The following TRABD2A variants were observed in gnomAD, a reference collection of about 807,000 sequenced individuals.
TRABD2A encodes the protein TraB domain containing 2A.
TRABD2A carries 43 observed loss-of-function variants against 45.6 expected under a neutral mutation model. The ratio of observed to expected loss-of-function variants is 0.94; its 90% CI spans 0.74 to 1.22. The LOEUF (loss-of-function observed/expected upper bound fraction) is 1.22. TRABD2A is among the 50% of genes most tolerant of loss of function. The pLI is 0.00. For synonymous variants in TRABD2A, 269 were observed against 265.0 expected (o/e 1.02, Z -0.15); for missense variants, 642 against 652.4 (o/e 0.98, Z 0.17).
intron 5 of TRABD2A, among the ~76,000 whole-genome samples, chr2:84,825,033 C>G (rs1681111103): frequency 6.6e-6 from 1 of 152,104 alleles, no homozygotes. Context: ...GAACTTTTGT[C>G]AAGGGTTTGG....
intron 2 of TRABD2A, 21 bp downstream of exon 2, chr2:84,870,204 T>C: frequency 6.3e-7 from 1 of 1,581,964 alleles, no homozygotes. Flanking sequence ...CACTAAGTCT[T>C]TTATGCAAAG....
intron 1 of TRABD2A, among the ~76,000 whole-genome samples, chr2:84,876,577 G>A (rs1209783873): frequency 1.3e-5 from 2 of 152,242 alleles, no homozygotes; most frequent in Non-Finnish European, 2.9e-5. Flanking sequence ...TTTTAGTGGT[G>A]TGGTGGGAGC....
At chr2:84,824,264 C>G (rs977967617) in intron 5 of TRABD2A, 60 bp from the exon 6 acceptor site, 12 of 1,595,068 alleles carry the variant, frequency 7.5e-6, no homozygotes, top group East Asian at 2.2e-5. Context: ...GGCGCCCTCC[C>G]CAGCTCTCTT....
intron 3 of TRABD2A, among the ~76,000 whole-genome samples, chr2:84,839,828 T>C (rs77780619): frequency 0.013 from 1,986 of 152,378 alleles, 41 homozygotes; most frequent in African/African-American, 0.045. Flanking sequence ...CTTTCCCCAA[T>C]GTTCTTTGCC....
intron 4 of TRABD2A, among the ~76,000 whole-genome samples, chr2:84,838,658 G>A (rs979065465): frequency 7.9e-5 from 12 of 152,152 alleles, no homozygotes; most frequent in Non-Finnish European, 1.0e-4. Flanking sequence ...GAGTCACTCC[G>A]GGGGAGAGAA....
chr2:84,821,768 T>G lies in TRABD2A; in HGVS notation c.*149A>C. 1 of 800,042 alleles carries G rather than the reference T, an allele frequency of 1.2e-6. No homozygotes were observed. The highest frequency in any genetic ancestry group is 1.8e-6 in the Non-Finnish European group (1 of 563,846). 49.6% of individuals were successfully genotyped at this position (800,042 alleles called of 1,614,324 possible). A position where few individuals can be genotyped will look rare whatever the true frequency, so the allele number is the denominator to read the frequency against. On this transcript the variant is annotated 3_prime_UTR_variant, in exon 7 of 7. Coordinates refer to ENST00000409520, the MANE Select transcript of TRABD2A (RefSeq NM_001277053.2). ...GTTGGATAACCCAAAGTCACATTCC[T>G]TGGAAAGAGAAGAATCAACACTGGG...
intron 2 of TRABD2A, among the ~76,000 whole-genome samples, chr2:84,860,958 A>T (rs1459016753): frequency 6.6e-6 from 1 of 152,206 alleles, no homozygotes; most frequent in Non-Finnish European, 1.5e-5. Context: ...GGATCTTGAA[A>T]GTCTTGGATC....
chr2:84,826,868 GA>G (rs1409642010), intron 5 of TRABD2A, among the ~76,000 whole-genome samples: 1 of 152,200 alleles, frequency 6.6e-6, no homozygotes, highest in Non-Finnish European at 1.5e-5. Flanking sequence ...TCATTGTTGA[GA>G]TTTTTTTCAG....
rs556693094 is a variant in TRABD2A at position 84,824,574 on chromosome 2, C to T, written c.1083-370G>A. 5.7e-3 allele frequency among the ~76,000 whole-genome samples: 563 copies of T among 99,246 alleles called. 3 individuals are homozygous for T. The highest frequency in any genetic ancestry group is 0.02 in the African/African-American group (517 of 25,650). The allele number at this position is 99,246 out of a possible 152,430, so 65.1% of individuals were successfully genotyped here. ...TTTTTTTTTTTTTTTTTTTTGAGAT[C>T]GGGTTTCCCTCAGTAGCTCAGGCTG... On this transcript the variant is annotated intron_variant, in intron 5 of 6. Transcript: ENST00000409520.
chr2:84,864,944 G>A (rs1308690693), intron 2 of TRABD2A, among the ~76,000 whole-genome samples: 1 of 152,048 alleles, frequency 6.6e-6, no homozygotes, highest in Non-Finnish European at 1.5e-5. Context: ...ATAACCACAG[G>A]CTGAGAGAGG....
intron 4 of TRABD2A, chr2:84,837,084 C>T (rs1372157414): frequency 6.8e-6 from 1 of 147,574 alleles, no homozygotes; most frequent in African/African-American, 2.5e-5. Flanking sequence ...ACCTCTTCCT[C>T]CCAGTTTCAA....
intron 5 of TRABD2A, among the ~76,000 whole-genome samples, chr2:84,829,058 A>G (rs1681234111): frequency 6.6e-6 from 1 of 152,056 alleles, no homozygotes; most frequent in Non-Finnish European, 1.5e-5. Flanking sequence ...GGTCTGTGCT[A>G]TTTCCTGGTC....
At chr2:84,843,207 A>G (rs557792088) in intron 2 of TRABD2A, among the ~76,000 whole-genome samples, 7 of 152,156 alleles carry the variant, frequency 4.6e-5, no homozygotes, top group African/African-American at 1.7e-4. Context: ...CCCAGTAATC[A>G]GCATACAGGA....
chr2:84,873,174 A>G (rs887261594), intron 1 of TRABD2A, among the ~76,000 whole-genome samples: 2 of 151,324 alleles, frequency 1.3e-5, no homozygotes, highest in Non-Finnish European at 2.9e-5. Flanking sequence ...TAATCCCAGC[A>G]CTTTGGGAGG....
At chr2:84,823,880 T>C in intron 6 of TRABD2A, 73 bp downstream of exon 6, 1 of 1,577,046 alleles carries the variant, frequency 6.3e-7, no homozygotes, top group Non-Finnish European at 8.6e-7. Flanking sequence ...TTGCAACCAG[T>C]GTGAGGGGCA....
chr2:84,872,880 C>A (rs1047136414), intron 1 of TRABD2A, among the ~76,000 whole-genome samples: 2 of 151,970 alleles, frequency 1.3e-5, no homozygotes, highest in Non-Finnish European at 2.9e-5. Context: ...TTCGGGAGGC[C>A]GAGGCGGGGG....
intron 2 of TRABD2A, among the ~76,000 whole-genome samples, chr2:84,868,504 ATTAACTAATTAGTTAATTAG>A (rs912695245): frequency 1.3e-4 from 19 of 142,616 alleles, no homozygotes; most frequent in African/African-American, 5.0e-4. Context: ...CTATTAACTA[ATTAACTAATTAGTTAATTAG>A]TTAACTAGTT....
intron 6 of TRABD2A, 53 bp from the exon 7 acceptor site, chr2:84,822,153 C>G: frequency 6.9e-7 from 1 of 1,446,452 alleles, no homozygotes; most frequent in Non-Finnish European, 9.2e-7. Context: ...AACCACTGCA[C>G]ACGCCAAGGC....
intron 1 of TRABD2A, chr2:84,874,757 C>T: frequency 4.0e-6 from 1 of 246,926 alleles, no homozygotes; most frequent in East Asian, 1.1e-4. Flanking sequence ...GCCAAGCCAA[C>T]CAGTGACTGG....
Sources: allele counts gnomAD v4.1 joint callset (sites outside exome capture counted in the v4.1 genomes callset), GRCh38; gene constraint gnomAD v4.1.1; transcripts MANE v1.5; gene names NCBI Gene and HGNC (gene_info 2026-07-23, HGNC 2026-07-21).